The following CALCRL variants were observed in gnomAD, a reference collection of about 807,000 sequenced individuals.
The protein encoded by CALCRL is calcitonin gene-related peptide type 1 receptor.
In CALCRL, 27 loss-of-function variants were observed where a neutral mutation model predicts 60.4. That is an observed-to-expected ratio of 0.45 (90% CI 0.33 to 0.62). The LOEUF (loss-of-function observed/expected upper bound fraction) is 0.62. Ranked by LOEUF, CALCRL falls within the 20% of genes least tolerant of loss-of-function variation. The probability of loss-of-function intolerance (pLI) is 0.03; values close to 1 mark genes in which losing one functional copy is unlikely to be tolerated. For missense variants in CALCRL, 424 were observed against 540.7 expected (o/e 0.78, Z 2.14); for synonymous variants, 190 against 182.6 (o/e 1.04, Z -0.33).
At chr2:187,404,265 G>A (rs530872620) in intron 1 of CALCRL, among the ~76,000 whole-genome samples, 1 of 151,804 alleles carries the variant, frequency 6.6e-6, no homozygotes, top group East Asian at 1.9e-4. Flanking sequence ...TTAAGATGGT[G>A]CATTTTTATC....
At chr2:187,400,127 C>T (rs964153332) in intron 1 of CALCRL, among the ~76,000 whole-genome samples, 6 of 151,314 alleles carry the variant, frequency 4.0e-5, no homozygotes, top group East Asian at 1.9e-4. Context: ...AATATAAGTT[C>T]GAGGTGATTG....
rs1687019784 is a variant in CALCRL at position 187,360,739 on chromosome 2, C to T, written c.640G>A (p.Val214Met). ...LVATNPVSCK[V>M]SQFIHLYLMG... is the part of the protein sequence containing the mutation. ...AGGTAAAGATGAATGAACTGGGACA[C>T]TTTGCAACTAACCTGTGAGGAAAAA... The change falls in exon 10 of 15, where the codon GTG becomes ATG. Residue 214 changes from valine (V) to methionine (M), a missense_variant. Around this residue, in one of 7 missense-constraint regions of CALCRL, gnomAD observed 43 missense variants for 40.9 expected, o/e 1.05. Coordinates refer to ENST00000392370, the MANE Select transcript of CALCRL (RefSeq NM_005795.6). 12 of 1,602,142 alleles carry T rather than the reference C, an allele frequency of 7.5e-6. No homozygotes were observed. The highest frequency in any genetic ancestry group is 2.2e-5 in the East Asian group (1 of 44,752).
intron 8 of CALCRL, among the ~76,000 whole-genome samples, chr2:187,370,069 A>C (rs1687456079): frequency 1.3e-5 from 2 of 152,174 alleles, no homozygotes; most frequent in South Asian, 4.1e-4. Flanking sequence ...TAGCTTTTTT[A>C]ACAATTAATG....
chr2:187,344,634 C>G lies in CALCRL; in HGVS notation c.*1550G>C, dbSNP rs1279356214. The G allele has an allele frequency of 6.6e-6, 1 of 151,548 alleles. No individual in the cohort carries two copies. Among genetic ancestry groups the G allele is most frequent in the Non-Finnish European group, 1.5e-5 (1 of 67,684 alleles). 9.4% of individuals were successfully genotyped at this position (151,548 alleles called of 1,614,324 possible). On this transcript the variant is annotated 3_prime_UTR_variant, in exon 15 of 15. Transcript: ENST00000392370. Reference sequence around the variant, plus strand: ...CTGACAATAATTCAGTAAGATCTGACAATAATTTTTTCTCAATGATATATT... The same window carrying G: ...CTGACAATAATTCAGTAAGATCTGAGAATAATTTTTTCTCAATGATATATT...
chr2:187,415,268 C>T (rs1453475061), intron 1 of CALCRL, among the ~76,000 whole-genome samples: 1 of 152,130 alleles, frequency 6.6e-6, no homozygotes, highest in Non-Finnish European at 1.5e-5. Context: ...TGCTTATATG[C>T]CTGCTTTTGA....
At chr2:187,382,100 A>C (rs564613797) in intron 5 of CALCRL, among the ~76,000 whole-genome samples, 5 of 152,332 alleles carry the variant, frequency 3.3e-5, no homozygotes, top group South Asian at 2.1e-4. Flanking sequence ...CAGCTCCAAA[A>C]GTATCTAATT....
intron 2 of CALCRL, 81 bp downstream of exon 2, chr2:187,387,581 GTTTA>G (rs1688261806): frequency 5.3e-6 from 2 of 379,486 alleles, no homozygotes; most frequent in South Asian, 1.4e-4. Context: ...CAATGAGTCA[GTTTA>G]TTTAATTCAG....
rs771388676 is a variant in CALCRL, at chr2:187,448,228, C to G, written c.-482G>C. 4 of 152,100 alleles carry G rather than the reference C, an allele frequency of 2.6e-5. No individual in the cohort carries two copies. Among genetic ancestry groups the G allele is most frequent in the African/African-American group, 7.2e-5 (3 of 41,438 alleles). The allele number at this position is 152,100 out of a possible 1,614,324, so 9.4% of individuals were successfully genotyped here. A position where few individuals can be genotyped will look rare whatever the true frequency, so the allele number is the denominator to read the frequency against. The stretch of plus-strand genomic sequence containing the variant: ...GTCCTAAAGCAGGAGGTGACACTCT[C>G]TGCTGGAGAGAGAGAGGTTGTTCTG... On this transcript the variant is annotated 5_prime_UTR_variant, in exon 1 of 15. Transcript: ENST00000392370.
intron 1 of CALCRL, among the ~76,000 whole-genome samples, chr2:187,427,700 G>A (rs559600269): frequency 6.6e-6 from 1 of 152,152 alleles, no homozygotes; most frequent in East Asian, 1.9e-4. Context: ...GTTATCAGGT[G>A]CTCAAATATC....
At chr2:187,426,800 T>A (rs1382060605) in intron 1 of CALCRL, among the ~76,000 whole-genome samples, 1 of 152,120 alleles carries the variant, frequency 6.6e-6, no homozygotes, top group East Asian at 1.9e-4. Context: ...AATTGATTAA[T>A]TCAAGAGTTG....
At chr2:187,366,198 G>A (rs1687275859) in intron 8 of CALCRL, among the ~76,000 whole-genome samples, 1 of 133,190 alleles carries the variant, frequency 7.5e-6, no homozygotes, top group Admixed American at 8.8e-5. Context: ...AGCCGAGATT[G>A]CGCCACTGCA....
At position 187,351,950 on chromosome 2, in the gene CALCRL, G is replaced by T; in HGVS notation, c.1140C>A (p.Val380=). The T allele has an allele frequency of 6.3e-7, 1 of 1,594,588 alleles. No homozygotes were observed. Among genetic ancestry groups the T allele is most frequent in the Non-Finnish European group, 8.6e-7 (1 of 1,164,628 alleles). The change falls in exon 14 of 15, where the codon GTC becomes GTA. Residue 380 remains valine, a synonymous_variant. Coordinates refer to ENST00000392370, the MANE Select transcript of CALCRL (RefSeq NM_005795.6). ...HILMHFQGLL[V]STIFCFFNGE... ...CATTAAAGAAGCAGAAAATGGTAGAGACCAAAAGACCCTGTAAAAGAAAAA... is the reference window on the plus strand; with the variant it reads ...CATTAAAGAAGCAGAAAATGGTAGATACCAAAAGACCCTGTAAAAGAAAAA...
At chr2:187,447,832 T>C (rs1195398194) in intron 1 of CALCRL, among the ~76,000 whole-genome samples, 2 of 152,086 alleles carry the variant, frequency 1.3e-5, no homozygotes, top group Non-Finnish European at 2.9e-5. Context: ...TTTTCTAGAA[T>C]ACCATGGTAA....
Position 187,442,141 on chromosome 2 carries a change from C to A in CALCRL, c.-293+5898G>T, listed in dbSNP as rs12998319. 1,397 of 147,606 alleles carry A rather than the reference C, an allele frequency of 9.5e-3. 21 individuals carry two copies. Among genetic ancestry groups the A allele is most frequent in the African/African-American group, 0.033 (1,328 of 40,470 alleles). The allele number at this position is 147,606 out of a possible 1,614,324, so 9.1% of individuals were successfully genotyped here. A position where few individuals can be genotyped will look rare whatever the true frequency, so the allele number is the denominator to read the frequency against. ...ACATATACATATACATACATACACACACACATACATACACACACATATATA... is the reference window on the plus strand; with the variant it reads ...ACATATACATATACATACATACACAAACACATACATACACACACATATATA... On this transcript the variant is annotated intron_variant, in intron 1 of 14. Transcript: ENST00000392370.
rs1476904261 is a variant in CALCRL, at chr2:187,389,071, T to TC, written c.-292-1316_-292-1315insG. Among the ~76,000 whole-genome samples the TC allele has an allele frequency of 1.1e-4, 17 of 148,424 alleles. No homozygotes were observed. In the East Asian group the frequency reaches 1.2e-3, roughly 10 times the overall value. ...ACTTTTCTCTATTACTTCTTCTTCT[T>TC]TTTTTTTTTTTTTGAGAAAGAGTCA... On this transcript the variant is annotated intron_variant, in intron 1 of 14. Coordinates refer to ENST00000392370, the MANE Select transcript of CALCRL (RefSeq NM_005795.6).
At chr2:187,352,456 G>A in intron 12 of CALCRL, 124 bp from the exon 13 acceptor site, 1 of 604,766 alleles carries the variant, frequency 1.7e-6, no homozygotes, top group South Asian at 2.3e-5. Context: ...TTTTTAAAGG[G>A]TATTATTGCC....
intron 7 of CALCRL, among the ~76,000 whole-genome samples, chr2:187,380,218 C>A (rs1308215284): frequency 5.3e-5 from 8 of 152,076 alleles, no homozygotes; most frequent in Admixed American, 5.2e-4. Context: ...AAATTTGAAA[C>A]CCCAATACTG....
intron 1 of CALCRL, among the ~76,000 whole-genome samples, chr2:187,412,175 CT>C (rs1471199265): frequency 6.6e-6 from 1 of 152,032 alleles, no homozygotes; most frequent in African/African-American, 2.4e-5. Context: ...GAGTTTCAGT[CT>C]GCGTGAGATA....
At chr2:187,385,734 A>C in intron 3 of CALCRL, 103 bp from the exon 4 acceptor site, 1 of 661,906 alleles carries the variant, frequency 1.5e-6, no homozygotes, top group Admixed American at 3.3e-5. Context: ...ATAATTCAAT[A>C]ATTTTACTTT....
Sources: allele counts gnomAD v4.1 joint callset (sites outside exome capture counted in the v4.1 genomes callset), GRCh38; gene constraint gnomAD v4.1.1; regional missense constraint gnomAD v4.1.1; transcripts MANE v1.5; gene names NCBI Gene and HGNC (gene_info 2026-07-23, HGNC 2026-07-21).